Variants in CCDC39 observed in about 807,000 individuals in gnomAD.
The protein encoded by CCDC39 is coiled-coil domain 39 molecular ruler complex subunit.
CCDC39 carries 113 observed loss-of-function variants against 121.0 expected under a neutral mutation model. The ratio of observed to expected loss-of-function variants is 0.93; its 90% CI spans 0.80 to 1.09. The LOEUF (loss-of-function observed/expected upper bound fraction) is 1.09, where lower values mean the gene tolerates loss of function less well. Among genes scored for constraint, CCDC39 ranks in the 50% least tolerant of loss-of-function variants. The probability of loss-of-function intolerance (pLI) is 0.00; values close to 1 mark genes in which losing one functional copy is unlikely to be tolerated. For synonymous variants in CCDC39, 349 were observed against 352.2 expected, an observed-to-expected ratio of 0.99 and a Z score of 0.10; for missense variants, 1,063 against 1,074.7, an observed-to-expected ratio of 0.99 and a Z score of 0.15.
At chr3:180,637,927 G>A (rs1202054411) in intron 13 of CCDC39, among the ~76,000 whole-genome samples, 2 of 152,100 alleles carry the variant, frequency 1.3e-5, no homozygotes, top group African/African-American at 2.4e-5. Context: ...ACCTGTTGGT[G>A]GGTGGAGGGT....
At chr3:180,678,732 T>C (rs1295742048) in intron 1 of CCDC39, among the ~76,000 whole-genome samples, 2 of 152,138 alleles carry the variant, frequency 1.3e-5, no homozygotes, top group Admixed American at 6.5e-5. Flanking sequence ...ATTTCTTATG[T>C]TAATCTGTGA....
At position 180,642,348 on chromosome 3, in the gene CCDC39, T is replaced by A. The variant is rs114999379; in HGVS notation, c.1666-147A>T. 1,684 of 434,260 alleles carry A rather than the reference T, an allele frequency of 3.9e-3. 33 individuals carry two copies. Among genetic ancestry groups the A allele is most frequent in the African/African-American group, 0.032 (1,570 of 48,814 alleles). The allele number at this position is 434,260 out of a possible 1,614,324, so 26.9% of individuals were successfully genotyped here. ...AGATATTAGCTAGGCCTAAAATTGATCATAGTTTTTTTTTTTCTTTTAAGA... is the reference window on the plus strand; with the variant it reads ...AGATATTAGCTAGGCCTAAAATTGAACATAGTTTTTTTTTTTCTTTTAAGA... On this transcript the variant is annotated intron_variant, in intron 12 of 19. Coordinates refer to ENST00000476379, the MANE Select transcript of CCDC39 (RefSeq NM_181426.2).
intron 1 of CCDC39, among the ~76,000 whole-genome samples, chr3:180,667,330 C>T (rs1054592434): frequency 1.3e-5 from 2 of 152,144 alleles, no homozygotes; most frequent in Admixed American, 6.6e-5. Flanking sequence ...CATTTCATTG[C>T]ACTTTATTGT....
rs1255953289 is a variant in CCDC39 at position 180,631,568 on chromosome 3, A to C, written c.1899T>G (p.Ser633Arg). 1 of 1,608,472 alleles carries C rather than the reference A, an allele frequency of 6.2e-7. No individual in the cohort carries two copies. The change falls in exon 14 of 20, where the codon AGT becomes AGG. Residue 633 changes from serine to arginine, a missense_variant. Transcript: ENST00000476379. ...NISTEFRERLSKIEKLKNRYE... is the reference protein window; with the variant it reads ...NISTEFRERLRKIEKLKNRYE... ...ATCTATTCTTCAGCTTCTCAATTTT[A>C]CTTAGCCGCTCGCGAAACTCAGTGC... is the stretch of plus-strand genomic sequence containing the variant.
rs545416436 is a variant in CCDC39 at position 180,663,337 on chromosome 3, A to G, written c.210+530T>C. 3.3e-5 allele frequency among the ~76,000 whole-genome samples: 5 copies of G among 152,268 alleles called. No individual in the cohort carries two copies. The East Asian group carries it at 9.7e-4, about 29-fold the overall frequency. ...ACCACCATCATTGTACCTTTCTCAA[A>G]TAACCTGCTGTCTAATACAGATTGT... On this transcript the variant is annotated intron_variant, in intron 2 of 19. Transcript: ENST00000476379.
intron 19 of CCDC39, 83 bp from the exon 20 acceptor site, chr3:180,615,160 TA>T (rs1717184396): frequency 9.9e-7 from 1 of 1,009,708 alleles, no homozygotes. Flanking sequence ...AAAGGTACCA[TA>T]ATTCCATAAG....
At chr3:180,619,702 C>G (rs533966775) in intron 15 of CCDC39, 109 bp downstream of exon 15, 30 of 679,442 alleles carry the variant, frequency 4.4e-5, no homozygotes, top group Non-Finnish European at 7.0e-5. Flanking sequence ...GTTTTTCTGA[C>G]CCAATCTAAC....
chr3:180,633,416 C>T (rs1300768250), intron 13 of CCDC39, among the ~76,000 whole-genome samples: 1 of 152,042 alleles, frequency 6.6e-6, no homozygotes, highest in African/African-American at 2.4e-5. Context: ...CCAAAAACAC[C>T]CATAAAACAA....
chr3:180,628,934 A>C (rs1056237804), intron 14 of CCDC39, among the ~76,000 whole-genome samples: 4 of 152,218 alleles, frequency 2.6e-5, no homozygotes, highest in African/African-American at 7.2e-5. Flanking sequence ...GAAGGGAAAA[A>C]ATTTTGAACT....
chr3:180,659,523 G>A lies in CCDC39; in HGVS notation c.667C>T (p.Leu223Phe). The A allele has an allele frequency of 5.0e-6, 8 of 1,613,254 alleles. No homozygotes were observed. The highest frequency in any genetic ancestry group is 6.8e-6 in the Non-Finnish European group (8 of 1,179,546). ...FRKIHNERQELIKQWENTIEQ... is the reference protein window; with the variant it reads ...FRKIHNERQEFIKQWENTIEQ... ...ATTGTGTTCTCCCATTGTTTAATGA[G>A]TTCTTGTCTTTCATTATGAATCTTA... The change falls in exon 6 of 20, where the codon CTC becomes TTC. Residue 223 changes from leucine (L) to phenylalanine (F), a missense_variant. Physicochemically the swap from Leu to Phe is conservative, Grantham distance 22. Transcript: ENST00000476379.
intron 10 of CCDC39, among the ~76,000 whole-genome samples, chr3:180,647,844 C>T (rs887079203): frequency 6.6e-6 from 1 of 151,898 alleles, no homozygotes; most frequent in Non-Finnish European, 1.5e-5. Flanking sequence ...TAAGAATCAA[C>T]ATACAGTTTT....
intron 14 of CCDC39, among the ~76,000 whole-genome samples, chr3:180,621,673 C>G (rs1250128994): frequency 6.6e-6 from 1 of 151,832 alleles, no homozygotes; most frequent in Non-Finnish European, 1.5e-5. Context: ...ATTTTTTTGT[C>G]ACACAGGTAA....
chr3:180,626,639 G>A (rs1437859077), intron 14 of CCDC39, among the ~76,000 whole-genome samples: 1 of 152,154 alleles, frequency 6.6e-6, no homozygotes, highest in African/African-American at 2.4e-5. Flanking sequence ...CCAAATGTGG[G>A]GCACGGTGTA....
chr3:180,646,510 G>C (rs1470658500), intron 11 of CCDC39, among the ~76,000 whole-genome samples: 1 of 152,074 alleles, frequency 6.6e-6, no homozygotes, highest in African/African-American at 2.4e-5. Flanking sequence ...AATGCCTAAA[G>C]ATGAAGACGT....
chr3:180,619,412 GA>G (rs1420865946), intron 15 of CCDC39, 47 bp from the exon 16 acceptor site: 5 of 916,928 alleles, frequency 5.5e-6, no homozygotes, highest in Non-Finnish European at 8.4e-6. Flanking sequence ...ATACTAAGTA[GA>G]AATCAATTTT....
chr3:180,667,316 A>T (rs1467203339), intron 1 of CCDC39, among the ~76,000 whole-genome samples: 1 of 151,994 alleles, frequency 6.6e-6, no homozygotes, highest in African/African-American at 2.4e-5. Flanking sequence ...ATACAGACAC[A>T]CTCCATTTCA....
At chr3:180,634,020 G>A (rs60226914) in intron 13 of CCDC39, among the ~76,000 whole-genome samples, 12,617 of 152,102 alleles carry the variant, frequency 0.083, 862 homozygotes, top group African/African-American at 0.19. Flanking sequence ...AAAACAGCCT[G>A]AGGACTATGC....
intron 1 of CCDC39, among the ~76,000 whole-genome samples, chr3:180,666,643 T>C (rs1330213602): frequency 6.6e-6 from 1 of 152,222 alleles, no homozygotes; most frequent in Non-Finnish European, 1.5e-5. Flanking sequence ...AACTTCTGAC[T>C]TTTAAATGAA....
At chr3:180,640,178 C>G (rs558741875) in intron 13 of CCDC39, among the ~76,000 whole-genome samples, 2 of 152,082 alleles carry the variant, frequency 1.3e-5, no homozygotes, top group African/African-American at 4.8e-5. Context: ...TATGTCAAAA[C>G]CTATCAAATG....
Sources: gnomAD v4.1 joint callset for allele counts (sites outside exome capture counted in the v4.1 genomes callset) on GRCh38, gnomAD v4.1.1 for gene constraint, MANE v1.5 for transcripts, NCBI Gene and HGNC (gene_info 2026-07-23, HGNC 2026-07-21) for gene names.